POLR3B: variants seen among roughly 807,000 people sequenced by gnomAD.
The protein encoded by POLR3B is RNA polymerase III subunit B, also known as DNA-directed RNA polymerase III subunit RPC2.
A neutral mutation model predicts 147.4 loss-of-function variants in POLR3B; 96 were observed. The observed-to-expected ratio is 0.65, with a 90% CI of 0.55 to 0.77. POLR3B has a LOEUF of 0.77. Among genes scored for constraint, POLR3B ranks in the 30% least tolerant of loss-of-function variants. POLR3B has a pLI of 0.00. For missense variants in POLR3B, 1,036 were observed against 1,413.5 expected, an observed-to-expected ratio of 0.73 and a Z score of 4.28; for synonymous variants, 461 against 485.9, an observed-to-expected ratio of 0.95 and a Z score of 0.67.
Position 106,496,952 on chromosome 12 carries a change from G to T in POLR3B, c.2984+34G>T, listed in dbSNP as rs200950218. Reference sequence around the variant, plus strand: ...GCGATTGAGCTATTTTAAAGAAAAAGAATGGTTTTACTAGGATAGGGGAGA... The same window carrying T: ...GCGATTGAGCTATTTTAAAGAAAAATAATGGTTTTACTAGGATAGGGGAGA... On this transcript the variant is annotated intron_variant, in intron 25 of 27. Coordinates refer to ENST00000228347, the MANE Select transcript of POLR3B (RefSeq NM_018082.6). 8.7e-6 allele frequency: 14 copies of T among 1,603,862 alleles called. No homozygotes were observed. The African/African-American group carries it at 9.3e-5, about 11-fold the overall frequency.
intron 7 of POLR3B, 90 bp downstream of exon 7, chr12:106,376,540 C>T (rs2036681877): frequency 3.3e-6 from 3 of 912,360 alleles, no homozygotes; most frequent in Non-Finnish European, 1.8e-6. Flanking sequence ...AAAAACAGTA[C>T]CAGCTTTTCT....
In POLR3B at chr12:106,504,322, C is replaced by T. The variant is rs2038651301; in HGVS notation, c.3272+68C>T. 1 of 1,288,896 alleles carries T rather than the reference C, an allele frequency of 7.8e-7. No homozygotes were observed. The highest frequency in any genetic ancestry group is 1.1e-6 in the Non-Finnish European group (1 of 883,854). 79.8% of individuals were successfully genotyped at this position (1,288,896 alleles called of 1,614,324 possible). On this transcript the variant is annotated intron_variant, in intron 27 of 27. Transcript: ENST00000228347. This position sits in a 1 kb window ranked among gnomAD's most constrained non-coding sequence, Gnocchi z 4.6. ...CTTAAATCACAGCTCAAGAATTGACCCTGGATCCTATCCGCATATTCTCCA... is the reference window on the plus strand; with the variant it reads ...CTTAAATCACAGCTCAAGAATTGACTCTGGATCCTATCCGCATATTCTCCA...
chr12:106,364,675 T>C (rs942258280), intron 2 of POLR3B, among the ~76,000 whole-genome samples: 1 of 152,230 alleles, frequency 6.6e-6, no homozygotes, highest in African/African-American at 2.4e-5. Context: ...GTATTATTCA[T>C]AATAGCCAAG....
At chr12:106,402,514 G>C (rs1312664427) in intron 10 of POLR3B, among the ~76,000 whole-genome samples, 1 of 152,140 alleles carries the variant, frequency 6.6e-6, no homozygotes, top group Non-Finnish European at 1.5e-5. Context: ...TCAATTCTAA[G>C]CCCAAAGAAC....
intron 9 of POLR3B, among the ~76,000 whole-genome samples, chr12:106,383,959 C>G (rs915178838): frequency 2.1e-5 from 3 of 141,482 alleles, no homozygotes; most frequent in African/African-American, 7.9e-5. Flanking sequence ...GCCTAGGCAA[C>G]AGAGTGAGAC....
Position 106,479,105 on chromosome 12 carries a change from G to T in POLR3B, c.2713+15485G>T, listed in dbSNP as rs752064627. Among the ~76,000 whole-genome samples the T allele has an allele frequency of 5.3e-5, 8 of 152,004 alleles. No homozygotes were observed. The South Asian group carries it at 1.7e-3, about 32-fold the overall frequency. The stretch of plus-strand genomic sequence containing the variant: ...TCCTTGTGCTGGGCAATTGGACACC[G>T]TCGCATCCTGGAGGTTTAAGTTCCT... On this transcript the variant is annotated intron_variant, in intron 23 of 27. Coordinates refer to ENST00000228347, the MANE Select transcript of POLR3B (RefSeq NM_018082.6).
intron 27 of POLR3B, among the ~76,000 whole-genome samples, chr12:106,506,446 C>T (rs1478591209): frequency 6.6e-6 from 1 of 152,156 alleles, no homozygotes; most frequent in African/African-American, 2.4e-5. Flanking sequence ...ACCCGATTCA[C>T]TTATGTGCTT....
chr12:106,370,058 A>G (rs1464311296), intron 6 of POLR3B, among the ~76,000 whole-genome samples: 1 of 152,132 alleles, frequency 6.6e-6, no homozygotes. Context: ...TTAAGGGAGA[A>G]GTTACTTATT....
intron 12 of POLR3B, among the ~76,000 whole-genome samples, chr12:106,422,362 T>C (rs2037384127): frequency 6.6e-6 from 1 of 152,172 alleles, no homozygotes; most frequent in Admixed American, 6.5e-5. Flanking sequence ...TCCTGAGGCC[T>C]CCCCAGAAAC....
intron 10 of POLR3B, among the ~76,000 whole-genome samples, chr12:106,399,575 G>T (rs990443237): frequency 6.6e-6 from 1 of 152,138 alleles, no homozygotes; most frequent in Non-Finnish European, 1.5e-5. Context: ...GGCAGCCAGG[G>T]AGAAAGATCG....
intron 12 of POLR3B, among the ~76,000 whole-genome samples, chr12:106,416,938 C>A (rs1280979971): frequency 6.6e-6 from 1 of 152,172 alleles, no homozygotes; most frequent in African/African-American, 2.4e-5. Context: ...ATCCCTTTCA[C>A]CCTCTCTCTA....
chr12:106,389,403 T>C (rs967911124), intron 9 of POLR3B, among the ~76,000 whole-genome samples: 2 of 152,216 alleles, frequency 1.3e-5, no homozygotes, highest in African/African-American at 4.8e-5. Flanking sequence ...TTAGAAATAT[T>C]TGGAAGGCCT....
intron 12 of POLR3B, among the ~76,000 whole-genome samples, chr12:106,423,856 CTT>C (rs1194716090): frequency 6.9e-6 from 1 of 144,798 alleles, no homozygotes. Flanking sequence ...CTTATGGTGT[CTT>C]TTTTTTTTTT....
rs147492684 is a variant in POLR3B, at chr12:106,470,760, C to CT, written c.2713+7145dup. ...GTATGCTGGAAGTCCACTCCAGACC[C>CT]TTTTTGCCTGGGTATCACCAATGGA... On this transcript the variant is annotated intron_variant, in intron 23 of 27. Coordinates refer to ENST00000228347, the MANE Select transcript of POLR3B (RefSeq NM_018082.6). Among the ~76,000 whole-genome samples, 1,040 of 152,228 alleles carry CT rather than the reference C, an allele frequency of 6.8e-3. 17 individuals are homozygous for CT. Among genetic ancestry groups the CT allele is most frequent in the African/African-American group, 0.024 (1,000 of 41,530 alleles).
chr12:106,372,831 A>G (rs1261306368), intron 6 of POLR3B, among the ~76,000 whole-genome samples: 3 of 151,818 alleles, frequency 2.0e-5, no homozygotes, highest in Admixed American at 2.0e-4. Context: ...AGTAACTGAA[A>G]TATTCTTATA....
chr12:106,380,158 T>C lies in POLR3B; in HGVS notation c.723+19T>C, dbSNP rs748543063. ...ATTTAAGGTAAAGCTGCAGCTCTCT[T>C]CTGAAAATTGTAAGAATTCTTTCTC... On this transcript the variant is annotated intron_variant, in intron 9 of 27. Transcript: ENST00000228347. The C allele has an allele frequency of 8.3e-6, 11 of 1,329,080 alleles. No homozygotes were observed. The highest frequency in any genetic ancestry group is 8.7e-6 in the Non-Finnish European group (8 of 920,336). 82.3% of individuals were successfully genotyped at this position (1,329,080 alleles called of 1,614,324 possible).
At chr12:106,395,486 G>A (rs1328886133) in intron 10 of POLR3B, among the ~76,000 whole-genome samples, 1 of 152,092 alleles carries the variant, frequency 6.6e-6, no homozygotes, top group Non-Finnish European at 1.5e-5. Context: ...CAGCACCAAG[G>A]TGATGGTGCT....
At position 106,497,767 on chromosome 12, in the gene POLR3B, G is replaced by C. The variant is rs568665892; in HGVS notation, c.2984+849G>C. Among the ~76,000 whole-genome samples the C allele has an allele frequency of 1.0e-3, 159 of 152,304 alleles. 1 individual carries two copies. Among genetic ancestry groups the C allele is most frequent in the African/African-American group, 3.7e-3 (152 of 41,572 alleles). ...GTTCTATGGAGCTGACCGTTTAGGT[G>C]TGTTGCTAGACATTAAAAAATAATA... On this transcript the variant is annotated intron_variant, in intron 25 of 27. Transcript: ENST00000228347.
At chr12:106,497,293 A>AT (rs1330664912) in intron 25 of POLR3B, among the ~76,000 whole-genome samples, 2 of 151,672 alleles carry the variant, frequency 1.3e-5, no homozygotes, top group African/African-American at 2.4e-5. Context: ...CTTAAGCTTT[A>AT]TTTTTTTAAG....
Sources: allele counts gnomAD v4.1 joint callset (sites outside exome capture counted in the v4.1 genomes callset), GRCh38; gene constraint gnomAD v4.1.1; non-coding constraint Gnocchi (gnomAD v3.1); transcripts MANE v1.5; gene names NCBI Gene and HGNC (gene_info 2026-07-23, HGNC 2026-07-21).